NLK: variants seen among roughly 807,000 people sequenced by gnomAD.
NLK encodes the protein serine/threonine-protein kinase NLK.
NLK carries 11 observed loss-of-function variants against 59.0 expected under a neutral mutation model. The observed-to-expected ratio is 0.19, with a 90% CI of 0.12 to 0.31. The LOEUF (loss-of-function observed/expected upper bound fraction) is 0.31, where lower values mean the gene tolerates loss of function less well. Ranked by LOEUF, NLK falls within the 10% of genes least tolerant of loss-of-function variation. The pLI is 1.00. For missense variants in NLK, 410 were observed against 661.1 expected (o/e 0.62, Z 4.16); for synonymous variants, 235 against 235.9 (o/e 1.00, Z 0.03).
At chr17:28,160,948 G>A (rs1056039975) in intron 3 of NLK, among the ~76,000 whole-genome samples, 1 of 152,106 alleles carries the variant, frequency 6.6e-6, no homozygotes, top group Admixed American at 6.6e-5. Context: ...TCATTTGGTC[G>A]TTTACTTCTG....
intron 1 of NLK, among the ~76,000 whole-genome samples, chr17:28,084,459 C>G (rs1910446388): frequency 6.6e-6 from 1 of 152,162 alleles, no homozygotes; most frequent in Non-Finnish European, 1.5e-5. Context: ...ACCCAGCCTC[C>G]TAAGTGCCAA....
intron 8 of NLK, 94 bp downstream of exon 8, chr17:28,185,359 T>C: frequency 2.7e-6 from 2 of 746,718 alleles, no homozygotes; most frequent in Non-Finnish European, 4.3e-6. Flanking sequence ...GCAATGTAAA[T>C]AATTACTTTT....
chr17:28,161,133 G>A (rs773400568), intron 3 of NLK, 27 bp from the exon 4 acceptor site: 23 of 1,329,738 alleles, frequency 1.7e-5, no homozygotes, highest in Middle Eastern at 1.8e-4. Context: ...TGAATTCGCC[G>A]AACTCTCCTT....
rs918659200 is a variant in NLK at position 28,054,705 on chromosome 17, C to G, written c.458+11374C>G. ...TTTAAAGAAAAATAATTTACAGGAA[C>G]TTTTAGAACAAAAGCAGTTAAAGAA... is the stretch of plus-strand genomic sequence containing the variant. On this transcript the variant is annotated intron_variant, in intron 1 of 10. Coordinates refer to ENST00000407008, the MANE Select transcript of NLK (RefSeq NM_016231.5). 7.9e-5 allele frequency among the ~76,000 whole-genome samples: 12 copies of G among 152,118 alleles called. 1 individual carries two copies. The highest frequency in any genetic ancestry group is 3.9e-4 in the Admixed American group (6 of 15,268).
chr17:28,074,012 G>A (rs1910093909), intron 1 of NLK, among the ~76,000 whole-genome samples: 2 of 152,140 alleles, frequency 1.3e-5, no homozygotes, highest in Non-Finnish European at 2.9e-5. Context: ...AACTTAATTT[G>A]CTAGTTTTAG....
intron 1 of NLK, among the ~76,000 whole-genome samples, chr17:28,087,832 A>AC (rs1275276155): frequency 2.0e-5 from 3 of 152,138 alleles, no homozygotes; most frequent in African/African-American, 7.2e-5. Flanking sequence ...TGAATCTGTA[A>AC]CCCATGATGA....
At chr17:28,134,898 G>C (rs1453665047) in intron 3 of NLK, among the ~76,000 whole-genome samples, 2 of 152,164 alleles carry the variant, frequency 1.3e-5, no homozygotes, top group Non-Finnish European at 2.9e-5. Flanking sequence ...CTCAACTGTA[G>C]GTCAGTAGTA....
chr17:28,192,310 AG>A (rs1452051442), intron 10 of NLK, 97 bp downstream of exon 10: 2 of 687,562 alleles, frequency 2.9e-6, no homozygotes, highest in East Asian at 5.6e-5. Context: ...TAGATAACAT[AG>A]ATAAAAGGTG....
intron 5 of NLK, among the ~76,000 whole-genome samples, chr17:28,166,217 A>T (rs925142620): frequency 9.3e-5 from 14 of 150,686 alleles, no homozygotes; most frequent in African/African-American, 1.5e-4. Context: ...TGTCTCAAAA[A>T]ATATATATAT....
At chr17:28,114,227 G>A (rs921720321) in intron 1 of NLK, among the ~76,000 whole-genome samples, 1 of 152,148 alleles carries the variant, frequency 6.6e-6, no homozygotes, top group African/African-American at 2.4e-5. Context: ...GTGTCTTAAT[G>A]TATAGATATG....
chr17:28,119,951 G>C (rs944019720), intron 1 of NLK, among the ~76,000 whole-genome samples: 1 of 152,074 alleles, frequency 6.6e-6, no homozygotes, highest in Non-Finnish European at 1.5e-5. Context: ...TAACTGGCCT[G>C]GTCTGTATAT....
intron 1 of NLK, among the ~76,000 whole-genome samples, chr17:28,073,556 T>G (rs1278007332): frequency 6.6e-6 from 1 of 152,236 alleles, no homozygotes; most frequent in African/African-American, 2.4e-5. Context: ...CTTTTCCATC[T>G]AATTTACTTT....
At chr17:28,186,305 G>C (rs1479476621) in intron 8 of NLK, among the ~76,000 whole-genome samples, 1 of 152,206 alleles carries the variant, frequency 6.6e-6, no homozygotes, top group Admixed American at 6.5e-5. Flanking sequence ...CTGTTAAGGA[G>C]TTCAGGTTTG....
intron 1 of NLK, among the ~76,000 whole-genome samples, chr17:28,053,995 ACTTT>A (rs1293424893): frequency 3.9e-5 from 6 of 152,190 alleles, no homozygotes; most frequent in Non-Finnish European, 5.9e-5. Flanking sequence ...GTTTTTCCCC[ACTTT>A]CTTCTCCACT....
chr17:28,104,113 C>T (rs2142793666), intron 1 of NLK, among the ~76,000 whole-genome samples: 1 of 152,242 alleles, frequency 6.6e-6, no homozygotes, highest in East Asian at 1.9e-4. Context: ...GTTTTTCTAA[C>T]CAGTTTCTCA....
chr17:28,095,667 T>C (rs1904676432), intron 1 of NLK, among the ~76,000 whole-genome samples: 1 of 152,224 alleles, frequency 6.6e-6, no homozygotes, highest in Non-Finnish European at 1.5e-5. Flanking sequence ...ATATTTGAAA[T>C]GATTATTCCA....
intron 1 of NLK, among the ~76,000 whole-genome samples, chr17:28,079,678 CAGG>C (rs1910279410): frequency 6.6e-6 from 1 of 152,040 alleles, no homozygotes; most frequent in African/African-American, 2.4e-5. Context: ...TTTTTAAAAT[CAGG>C]TTATTTTGTT....
At chr17:28,065,430 G>A (rs865886676) in intron 1 of NLK, among the ~76,000 whole-genome samples, 13 of 152,160 alleles carry the variant, frequency 8.5e-5, no homozygotes, top group African/African-American at 2.9e-4. Flanking sequence ...TGGTTAGAAT[G>A]TAGGATGAAT....
chr17:28,203,979 C>G, the NLK span, among the ~76,000 whole-genome samples: 5 of 152,200 alleles, frequency 3.3e-5, no homozygotes, highest in Non-Finnish European at 7.3e-5. Context: ...CTCGTTTCCC[C>G]GCTGTTTTTA....
Sources: gnomAD v4.1 joint callset for allele counts (sites outside exome capture counted in the v4.1 genomes callset) on GRCh38, gnomAD v4.1.1 for gene constraint, MANE v1.5 for transcripts, NCBI Gene and HGNC (gene_info 2026-07-23, HGNC 2026-07-21) for gene names.